Variants in MLLT6 observed in about 807,000 individuals in gnomAD.
The protein encoded by MLLT6 is MLLT6, PHD finger containing, also known as protein AF-17.
MLLT6 carries 22 observed loss-of-function variants against 103.0 expected under a neutral mutation model. The ratio of observed to expected loss-of-function variants is 0.21; its 90% CI spans 0.15 to 0.31. MLLT6 has a LOEUF of 0.31. Among genes scored for constraint, MLLT6 ranks in the 10% least tolerant of loss-of-function variants. The pLI is 1.00. For missense variants in MLLT6, 1,199 were observed against 1,441.7 expected, an observed-to-expected ratio of 0.83 and a Z score of 2.73; for synonymous variants, 606 against 623.5, an observed-to-expected ratio of 0.97 and a Z score of 0.42.
chr17:38,718,167 G>T (rs989575468), intron 12 of MLLT6: 1 of 461,362 alleles, frequency 2.2e-6, no homozygotes, highest in Non-Finnish European at 3.8e-6. Context: ...CTGAGATCAG[G>T]AGTTTGAGAC....
intron 16 of MLLT6, 185 bp downstream of exon 16, chr17:38,720,932 T>C: frequency 1.6e-6 from 1 of 625,730 alleles, no homozygotes; most frequent in Non-Finnish European, 2.8e-6. Flanking sequence ...AGCCATTGGC[T>C]AAGCAATCAG....
At position 38,717,742 on chromosome 17, in the gene MLLT6, A is replaced by G. The variant is rs971468555; in HGVS notation, c.1834-103A>G. ...CATCAGACCACCCTCCGGGCTCTGG[A>G]CCCCTCTGCTCCCCAGCACACCCGG... On this transcript the variant is annotated intron_variant, in intron 11 of 19. Coordinates refer to ENST00000621332, the MANE Select transcript of MLLT6 (RefSeq NM_005937.4). 2.9e-6 allele frequency: 4 copies of G among 1,358,336 alleles called. No homozygotes were observed. The African/African-American group carries it at 5.8e-5, about 20-fold the overall frequency. The allele number at this position is 1,358,336 out of a possible 1,614,324, so 84.1% of individuals were successfully genotyped here.
At chr17:38,722,589 G>A (rs974731184) in intron 17 of MLLT6, 89 bp from the exon 18 acceptor site, 1 of 773,646 alleles carries the variant, frequency 1.3e-6, no homozygotes, top group African/African-American at 1.7e-5. Context: ...AGGGAGTCTA[G>A]GGGCTTGGGA....
At chr17:38,723,767 A>C (rs1905880744) in intron 18 of MLLT6, among the ~76,000 whole-genome samples, 1 of 149,282 alleles carries the variant, frequency 6.7e-6, no homozygotes, top group African/African-American at 2.5e-5. Flanking sequence ...TTTGAGACAG[A>C]GTTTCACTCT....
In MLLT6 at chr17:38,717,599, A is replaced by G. The variant is rs1030610890; in HGVS notation, c.1819A>G (p.Ile607Val). The G allele has an allele frequency of 5.0e-6, 8 of 1,613,342 alleles. No individual in the cohort carries two copies. The highest frequency in any genetic ancestry group is 6.8e-6 in the Non-Finnish European group (8 of 1,179,816). ...CACCCTCCCCTCCTCTTCTGCTTCT[A>G]TCTCCACCACTCAGGTGAGACCTGA... ...TSTLPSSSASISTTQVFSLAG... is the reference protein window; with the variant it reads ...TSTLPSSSASVSTTQVFSLAG... The change falls in exon 11 of 20, where the codon ATC becomes GTC. Residue 607 changes from isoleucine to valine, a missense_variant. Coordinates refer to ENST00000621332, the MANE Select transcript of MLLT6 (RefSeq NM_005937.4).
chr17:38,706,995 G>A lies in MLLT6; in HGVS notation c.155G>A (p.Arg52Gln). The A allele has an allele frequency of 6.2e-7, 1 of 1,612,482 alleles. No individual in the cohort carries two copies. Among genetic ancestry groups the A allele is most frequent in the Non-Finnish European group, 8.5e-7 (1 of 1,178,740 alleles). Residue 52 changes from arginine to glutamine, a missense_variant, in exon 2 of 20, where the codon CGG (arginine) becomes CAG (glutamine). Transcript: ENST00000621332. The part of the protein sequence containing the change: ...VQVPTGPWFC[R>Q]KCESQERAAR... ...GTGCCAACGGGACCCTGGTTCTGCC[G>A]GAAATGTGAATCTCAGGAGCGAGCA...
Position 38,724,636 on chromosome 17 carries a change from T to C in MLLT6, c.2900T>C (p.Val967Ala), listed in dbSNP as rs1905925663. Reference sequence around the variant, plus strand: ...CCCTTGCAGGAACACCAGACTGTTGTCTACCAGATGATCCAGCAGATCCAG... The same window carrying C: ...CCCTTGCAGGAACACCAGACTGTTGCCTACCAGATGATCCAGCAGATCCAG... ...PQLTPEHQTV[V>A]YQMIQQIQQK... The change falls in exon 19 of 20, where the codon GTC (valine) becomes GCC (alanine). Residue 967 changes from valine to alanine, a missense_variant. Physicochemically the swap from Val to Ala is moderately conservative, Grantham distance 64. Coordinates refer to ENST00000621332, the MANE Select transcript of MLLT6 (RefSeq NM_005937.4). The surrounding 1 kb of genome is among the most constrained non-coding windows in gnomAD (Gnocchi z 5.4). 1 of 1,601,208 alleles carries C rather than the reference T, an allele frequency of 6.2e-7. No individual in the cohort carries two copies. Among genetic ancestry groups the C allele is most frequent in the African/African-American group, 1.3e-5 (1 of 74,788 alleles).
rs1215101340 is a variant in MLLT6, at chr17:38,725,581, A to G, written c.3265A>G (p.Asn1089Asp). The change falls in exon 20 of 20, where the codon AAC (asparagine) becomes GAC (aspartate). Residue 1089 changes from asparagine to aspartate, a missense_variant. By Grantham distance (23) the Asn-to-Asp change is conservative. This residue lies in a region of MLLT6 where 55 missense variants were observed against 93.3 expected (regional missense o/e 0.59). Transcript: ENST00000621332. ...GGTADKGASA[N>D]QEKG ...GACCGCTGACAAAGGAGCCTCAGCCAACCAGGAAAAAGGCTAAATCCACCC... is the reference window on the plus strand; with the variant it reads ...GACCGCTGACAAAGGAGCCTCAGCCGACCAGGAAAAAGGCTAAATCCACCC... 1 of 1,602,060 alleles carries G rather than the reference A, an allele frequency of 6.2e-7. No individual in the cohort carries two copies. Among genetic ancestry groups the G allele is most frequent in the African/African-American group, 1.4e-5 (1 of 73,606 alleles).
At position 38,724,692 on chromosome 17, in the gene MLLT6, G is replaced by A; in HGVS notation, c.2956G>A (p.Ala986Thr). Residue 986 changes from alanine (A) to threonine (T), a missense_variant, in exon 19 of 20, where the codon GCT becomes ACT. By Grantham distance (58) the Ala-to-Thr change is moderately conservative. Coordinates refer to ENST00000621332, the MANE Select transcript of MLLT6 (RefSeq NM_005937.4). The surrounding 1 kb of genome is among the most constrained non-coding windows in gnomAD (Gnocchi z 5.4). ...QKRELQRLQM[A>T]GGSQLPMASL... ...ACGGGAGCTGCAGCGCCTGCAGATG[G>A]CTGGGGGCTCCCAGCTGCCCATGGC... 1 of 1,613,112 alleles carries A rather than the reference G, an allele frequency of 6.2e-7. No individual in the cohort carries two copies. The highest frequency in any genetic ancestry group is 8.5e-7 in the Non-Finnish European group (1 of 1,179,784).
intron 12 of MLLT6, chr17:38,719,049 C>T (rs758052478): frequency 1.4e-4 from 29 of 203,370 alleles, no homozygotes; most frequent in South Asian, 3.3e-4. Context: ...ATGATAATAG[C>T]TGCAGTCATT....
At chr17:38,717,791 G>A in intron 11 of MLLT6, 54 bp from the exon 12 acceptor site, 1 of 1,490,642 alleles carries the variant, frequency 6.7e-7, no homozygotes. Flanking sequence ...GGTACACACA[G>A]TTGTGCTCTA....
chr17:38,719,387 C>G (rs1905543606), intron 12 of MLLT6, 130 bp from the exon 13 acceptor site: 3 of 850,378 alleles, frequency 3.5e-6, no homozygotes, highest in Non-Finnish European at 5.7e-6. Flanking sequence ...CTTGAACTGC[C>G]AGTGTGGGGT....
Position 38,705,580 on chromosome 17 carries a change from CGACCCCCG to C in MLLT6, c.-52_-45del. The C allele has an allele frequency of 1.3e-6, 1 of 783,528 alleles. No individual in the cohort carries two copies. Among genetic ancestry groups the C allele is most frequent in the Non-Finnish European group, 2.0e-6 (1 of 512,102 alleles). The allele number at this position is 783,528 out of a possible 1,614,324, so 48.5% of individuals were successfully genotyped here. ...CGCTCCCTCCCTCCCCCCTGACCCC[CGACCCCCG>C]CCGGCCGGCCCCCCGCCCCAGCCCC... On this transcript the variant is annotated 5_prime_UTR_variant, in exon 1 of 20. Transcript: ENST00000621332.
At chr17:38,713,124 C>T (rs377755986) in intron 8 of MLLT6, 2 of 716,912 alleles carry the variant, frequency 2.8e-6, no homozygotes, top group Non-Finnish European at 5.2e-6. Context: ...CCCCTGTCCC[C>T]AGAGATCGGT....
rs1172505201 is a variant in MLLT6, at chr17:38,715,832, AGT to A, written c.1036+8_1036+9del. Reference sequence around the variant, plus strand: ...GGGGGGCCCTTCCAGCCTGCAGGTGAGTGTGGGCATCCGGGAGGAAGCTGGGA... The same window carrying A: ...GGGGGGCCCTTCCAGCCTGCAGGTGAGTGGGCATCCGGGAGGAAGCTGGGA... On this transcript the variant is annotated splice_donor_5th_base_variant and intron_variant, in intron 9 of 19. Coordinates refer to ENST00000621332, the MANE Select transcript of MLLT6 (RefSeq NM_005937.4). 2.5e-6 allele frequency: 4 copies of A among 1,583,848 alleles called. No homozygotes were observed. In the African/African-American group the frequency reaches 4.0e-5, roughly 16 times the overall value.
intron 1 of MLLT6, 129 bp downstream of exon 1, chr17:38,705,870 G>A: frequency 3.2e-6 from 1 of 308,128 alleles, no homozygotes; most frequent in East Asian, 5.7e-5. Context: ...AGGGAAGGGA[G>A]GCGTAGGGGG....
chr17:38,716,032 C>G lies in MLLT6; in HGVS notation c.1036+204C>G. Reference sequence around the variant, plus strand: ...GAACTCTCCTCTCCCCTTCAGGGGCCACCCCACCAACCTCATAACAGTATT... The same window carrying G: ...GAACTCTCCTCTCCCCTTCAGGGGCGACCCCACCAACCTCATAACAGTATT... On this transcript the variant is annotated intron_variant, in intron 9 of 19. Coordinates refer to ENST00000621332, the MANE Select transcript of MLLT6 (RefSeq NM_005937.4). The surrounding 1 kb of genome is among the most constrained non-coding windows in gnomAD (Gnocchi z 5.6). The G allele has an allele frequency of 1.6e-6, 1 of 618,768 alleles. No homozygotes were observed. Among genetic ancestry groups the G allele is most frequent in the Non-Finnish European group, 2.8e-6 (1 of 352,698 alleles). 38.3% of individuals were successfully genotyped at this position (618,768 alleles called of 1,614,324 possible).
rs2143721329 is a variant in MLLT6 at position 38,727,315 on chromosome 17, G to A, written c.*1717G>A. ...TGTTAGGGAGCTGATAATGGAGGGG[G>A]GTGGGAATCCTTCAAAGGCAATTTC... On this transcript the variant is annotated 3_prime_UTR_variant, in exon 20 of 20. Coordinates refer to ENST00000621332, the MANE Select transcript of MLLT6 (RefSeq NM_005937.4). 4.3e-6 allele frequency: 1 copy of A among 230,892 alleles called. No homozygotes were observed. The highest frequency in any genetic ancestry group is 8.6e-6 in the Non-Finnish European group (1 of 116,764). The allele number at this position is 230,892 out of a possible 1,614,324, so 14.3% of individuals were successfully genotyped here.
chr17:38,712,626 A>AT, intron 7 of MLLT6, 65 bp from the exon 8 acceptor site: 1 of 1,055,154 alleles, frequency 9.5e-7, no homozygotes, highest in Non-Finnish European at 1.5e-6. Context: ...CCATACCCAC[A>AT]TGTCATGTTT....
Sources: allele counts gnomAD v4.1 joint callset (sites outside exome capture counted in the v4.1 genomes callset), GRCh38; gene constraint gnomAD v4.1.1; regional missense constraint gnomAD v4.1.1; non-coding constraint Gnocchi (gnomAD v3.1); transcripts MANE v1.5; gene names NCBI Gene and HGNC (gene_info 2026-07-23, HGNC 2026-07-21).